Variants in TRERF1 observed in about 807,000 individuals in gnomAD.
TRERF1 encodes the protein transcriptional-regulating factor 1.
A neutral mutation model predicts 122.9 loss-of-function variants in TRERF1; 27 were observed. That is an observed-to-expected ratio of 0.22 (90% CI 0.16 to 0.30). The LOEUF is 0.30. Ranked by LOEUF, TRERF1 falls within the 10% of genes least tolerant of loss-of-function variation. TRERF1 has a pLI of 1.00. For synonymous variants in TRERF1, 636 were observed against 641.7 expected (o/e 0.99, Z 0.13); for missense variants, 1,248 against 1,560.3 (o/e 0.80, Z 3.37).
intron 4 of TRERF1, among the ~76,000 whole-genome samples, chr6:42,284,967 C>CT (rs962600831): frequency 6.7e-5 from 10 of 149,274 alleles, no homozygotes; most frequent in East Asian, 2.0e-4. Flanking sequence ...GTAAGCAGAC[C>CT]TTTTTTTTTT....
chr6:42,413,737 G>A (rs1012762963), intron 2 of TRERF1, among the ~76,000 whole-genome samples: 30 of 152,194 alleles, frequency 2.0e-4, no homozygotes, highest in African/African-American at 7.0e-4. Context: ...CAGAATCTGC[G>A]TTTTAACAAG....
At chr6:42,233,041 A>C in intron 16 of TRERF1, 113 bp from the exon 17 acceptor site, 3 of 1,180,498 alleles carry the variant, frequency 2.5e-6, no homozygotes, top group Non-Finnish European at 3.5e-6. Context: ...CATATGCTAC[A>C]AAAGGTAAAG....
Position 42,256,959 on chromosome 6 carries a change from A to G in TRERF1, c.2476+4T>C, listed in dbSNP as rs754312816. 6 of 1,614,210 alleles carry G rather than the reference A, an allele frequency of 3.7e-6. No homozygotes were observed. Among genetic ancestry groups the G allele is most frequent in the Non-Finnish European group, 5.1e-6 (6 of 1,180,034 alleles). ...CCCACCCAGCTCTTCCCATATGCCA[A>G]TACCTCTTTGCTGGAGGTCATGGTT... is the stretch of plus-strand genomic sequence containing the variant. On this transcript the variant is annotated splice_donor_region_variant and intron_variant, in intron 11 of 17. Transcript: ENST00000372922.
intron 3 of TRERF1, among the ~76,000 whole-genome samples, chr6:42,362,008 C>T (rs974207513): frequency 2.6e-5 from 4 of 152,302 alleles, no homozygotes; most frequent in African/African-American, 9.6e-5. Flanking sequence ...TCCTGTTTCC[C>T]ATCCCGACAG....
At chr6:42,374,430 G>A (rs573921327) in intron 2 of TRERF1, among the ~76,000 whole-genome samples, 1 of 152,266 alleles carries the variant, frequency 6.6e-6, no homozygotes, top group South Asian at 2.1e-4. Flanking sequence ...CCATCCCTGG[G>A]GCTCCTTCCT....
intron 3 of TRERF1, among the ~76,000 whole-genome samples, chr6:42,361,628 G>A (rs1265555972): frequency 6.6e-6 from 1 of 152,094 alleles, no homozygotes; most frequent in Non-Finnish European, 1.5e-5. Flanking sequence ...GCACATCTAC[G>A]TAGCTGACCT....
chr6:42,383,552 C>T (rs1478038542), intron 2 of TRERF1, among the ~76,000 whole-genome samples: 10 of 152,130 alleles, frequency 6.6e-5, no homozygotes, highest in African/African-American at 1.9e-4. Context: ...TTCCCCGCTC[C>T]GACGAGCATT....
intron 3 of TRERF1, among the ~76,000 whole-genome samples, chr6:42,309,550 T>C (rs950599526): frequency 3.9e-4 from 60 of 152,198 alleles, no homozygotes; most frequent in African/African-American, 1.4e-3. Context: ...CTCCAAGGTG[T>C]GGTCTTTAGA....
rs1184429379 is a variant in TRERF1, at chr6:42,285,866, G to C, written c.-259+14772C>G. Reference sequence around the variant, plus strand: ...CCTAAGCCAAAAGAACAAAGCTGGAGGCATCACATTACCTGACTTCAAACT... The same window carrying C: ...CCTAAGCCAAAAGAACAAAGCTGGACGCATCACATTACCTGACTTCAAACT... On this transcript the variant is annotated intron_variant, in intron 4 of 17. Transcript: ENST00000372922. Among the ~76,000 whole-genome samples the C allele has an allele frequency of 3.3e-5, 5 of 151,260 alleles. No individual in the cohort carries two copies. The South Asian group carries it at 8.4e-4, about 25-fold the overall frequency.
intron 2 of TRERF1, among the ~76,000 whole-genome samples, chr6:42,388,720 G>C (rs1777214873): frequency 6.6e-6 from 1 of 152,210 alleles, no homozygotes; most frequent in African/African-American, 2.4e-5. Context: ...ACAGCCATGA[G>C]AGGCAATCGG....
intron 3 of TRERF1, among the ~76,000 whole-genome samples, chr6:42,347,296 C>A (rs1768482060): frequency 6.6e-6 from 1 of 152,174 alleles, no homozygotes; most frequent in Admixed American, 6.5e-5. Context: ...ATAATCTGTT[C>A]ATTCAACGAG....
chr6:42,433,184 A>AGTGT (rs1347189342), intron 2 of TRERF1, among the ~76,000 whole-genome samples: 1 of 152,158 alleles, frequency 6.6e-6, no homozygotes, highest in African/African-American at 2.4e-5. Flanking sequence ...CAAGGAACAC[A>AGTGT]GAGGCAAAAC....
At chr6:42,333,208 C>T (rs936265661) in intron 3 of TRERF1, among the ~76,000 whole-genome samples, 2 of 152,164 alleles carry the variant, frequency 1.3e-5, no homozygotes, top group Admixed American at 1.3e-4. Flanking sequence ...TTAAAATAAT[C>T]AGCAAATGAA....
At chr6:42,392,585 T>C (rs1777926337) in intron 2 of TRERF1, among the ~76,000 whole-genome samples, 1 of 152,198 alleles carries the variant, frequency 6.6e-6, no homozygotes, top group South Asian at 2.1e-4. Flanking sequence ...AAGAGAGGCC[T>C]GAGCCATGGG....
At chr6:42,277,189 G>A (rs1167104331) in intron 4 of TRERF1, among the ~76,000 whole-genome samples, 1 of 152,180 alleles carries the variant, frequency 6.6e-6, no homozygotes, top group African/African-American at 2.4e-5. Flanking sequence ...ATTCCTGGAG[G>A]AGGCAGCCAT....
intron 3 of TRERF1, among the ~76,000 whole-genome samples, chr6:42,303,549 A>C (rs1205951455): frequency 6.6e-6 from 1 of 152,164 alleles, no homozygotes; most frequent in African/African-American, 2.4e-5. Context: ...AAGGCTCTTA[A>C]TCAGGACTGC....
chr6:42,252,388 T>G (rs1031314054), intron 13 of TRERF1, among the ~76,000 whole-genome samples: 1 of 152,202 alleles, frequency 6.6e-6, no homozygotes, highest in South Asian at 2.1e-4. Flanking sequence ...CGCCCTGACA[T>G]GGACAGGCTC....
Position 42,268,736 on chromosome 6 carries a change from C to T in TRERF1, c.855G>A (p.Met285Ile). The T allele has an allele frequency of 6.2e-7, 1 of 1,614,182 alleles. No individual in the cohort carries two copies. The highest frequency in any genetic ancestry group is 1.7e-5 in the Admixed American group (1 of 60,024). Reference sequence around the variant, plus strand: ...GTTGCGGCTGCGTCTGTATTTCTTGCATGGAGATACGCTGTTGCCCGGCTT... The same window carrying T: ...GTTGCGGCTGCGTCTGTATTTCTTGTATGGAGATACGCTGTTGCCCGGCTT... Residue 285 changes from methionine (M) to isoleucine (I), a missense_variant, in exon 5 of 18, where the codon ATG becomes ATA. By Grantham distance (10) the Met-to-Ile change is conservative. Coordinates refer to ENST00000372922, the Ensembl canonical transcript of TRERF1. This position sits in a 1 kb window ranked among gnomAD's most constrained non-coding sequence, Gnocchi z 4.4.
At chr6:42,328,434 T>C (rs1051221430) in intron 3 of TRERF1, among the ~76,000 whole-genome samples, 1 of 152,158 alleles carries the variant, frequency 6.6e-6, no homozygotes, top group Non-Finnish European at 1.5e-5. Flanking sequence ...TGCAGATTAT[T>C]TTATCATCCA....
Sources: allele counts gnomAD v4.1 joint callset (sites outside exome capture counted in the v4.1 genomes callset), GRCh38; gene constraint gnomAD v4.1.1; non-coding constraint Gnocchi (gnomAD v3.1); transcripts MANE v1.5; gene names NCBI Gene and HGNC (gene_info 2026-07-23, HGNC 2026-07-21).